Variants in DGKB observed in about 807,000 individuals in gnomAD.
DGKB encodes diacylglycerol kinase beta.
Under a neutral mutation model 114.3 loss-of-function variants are expected in DGKB, and 67 were observed. The ratio of observed to expected loss-of-function variants is 0.59; its 90% CI spans 0.48 to 0.72. DGKB has a LOEUF of 0.72. DGKB is among the 30% of genes least tolerant of loss of function. The pLI, the probability that DGKB is intolerant of heterozygous loss-of-function variation, is 0.00. For synonymous variants in DGKB, 398 were observed against 323.1 expected (o/e 1.23, Z -2.49); for missense variants, 907 against 975.2 (o/e 0.93, Z 0.93).
At chr7:14,590,163 TAA>T (rs766451610) in intron 17 of DGKB, among the ~76,000 whole-genome samples, 3 of 24,842 alleles carry the variant, frequency 1.2e-4, no homozygotes, top group East Asian at 8.4e-4. Context: ...AGTATAATAA[TAA>T]AAAAAAAAAC....
chr7:14,411,491 T>G (rs935478519), intron 21 of DGKB, among the ~76,000 whole-genome samples: 3 of 152,174 alleles, frequency 2.0e-5, no homozygotes, highest in Non-Finnish European at 4.4e-5. Flanking sequence ...ATCAAAATAT[T>G]TAAAGTGTAT....
intron 2 of DGKB, among the ~76,000 whole-genome samples, chr7:14,822,530 A>G (rs1845086550): frequency 6.6e-6 from 1 of 152,188 alleles, no homozygotes; most frequent in Admixed American, 6.6e-5. Context: ...ACTATTGACC[A>G]TTAGAACCTT....
chr7:14,257,448 G>A (rs1038280854), intron 23 of DGKB, among the ~76,000 whole-genome samples: 1 of 152,070 alleles, frequency 6.6e-6, no homozygotes, highest in Non-Finnish European at 1.5e-5. Context: ...TGGTTTGGCT[G>A]TGTCCCCACT....
intron 25 of DGKB, among the ~76,000 whole-genome samples, chr7:14,152,871 TCTTA>T: frequency 6.6e-6 from 1 of 152,206 alleles, no homozygotes; most frequent in East Asian, 1.9e-4. Context: ...TTGATCTGGC[TCTTA>T]CTGTGTGCTG....
At chr7:14,502,015 T>C (rs4721342) in intron 20 of DGKB, among the ~76,000 whole-genome samples, 51,619 of 151,672 alleles carry the variant, frequency 0.34, 9,287 homozygotes, top group Admixed American at 0.45. Flanking sequence ...AGGGTGGACA[T>C]TGTAGCTTGT....
intron 2 of DGKB, among the ~76,000 whole-genome samples, chr7:14,767,722 T>A (rs1164421720): frequency 6.6e-6 from 1 of 152,008 alleles, no homozygotes; most frequent in Non-Finnish European, 1.5e-5. Flanking sequence ...GGCAATAGAA[T>A]TAAATGCAGA....
intron 14 of DGKB, among the ~76,000 whole-genome samples, chr7:14,626,906 A>C (rs1056964040): frequency 2.6e-5 from 4 of 152,184 alleles, no homozygotes; most frequent in Admixed American, 1.3e-4. Flanking sequence ...ATGAGTTTAG[A>C]AGCCAAATTG....
chr7:14,788,697 T>G (rs1016939061), intron 2 of DGKB, among the ~76,000 whole-genome samples: 1 of 152,134 alleles, frequency 6.6e-6, no homozygotes, highest in Non-Finnish European at 1.5e-5. Flanking sequence ...TCAAGTTTCT[T>G]GCCCACCTTT....
chr7:14,438,952 A>G (rs181763767), intron 21 of DGKB, among the ~76,000 whole-genome samples: 404 of 151,180 alleles, frequency 2.7e-3, no homozygotes, highest in African/African-American at 8.9e-3. Flanking sequence ...TTCAAATCCT[A>G]TATGTGGGAA....
intron 20 of DGKB, among the ~76,000 whole-genome samples, chr7:14,562,332 G>A (rs1490504126): frequency 1.3e-5 from 2 of 152,198 alleles, no homozygotes; most frequent in Non-Finnish European, 2.9e-5. Flanking sequence ...AGTGCATAAG[G>A]GAAATGTGGG....
intron 2 of DGKB, among the ~76,000 whole-genome samples, chr7:14,812,814 T>C (rs551150605): frequency 6.6e-6 from 1 of 152,294 alleles, no homozygotes; most frequent in African/African-American, 2.4e-5. Context: ...TAAAATACCA[T>C]GTGTGCTTGA....
intron 21 of DGKB, among the ~76,000 whole-genome samples, chr7:14,356,402 C>A (rs1464638003): frequency 7.9e-6 from 1 of 126,378 alleles, no homozygotes; most frequent in Non-Finnish European, 1.6e-5. Context: ...CGCTCTATTG[C>A]CCAGGCTGGA....
chr7:14,211,500 A>C (rs866920641), intron 23 of DGKB, among the ~76,000 whole-genome samples: 1 of 24,320 alleles, frequency 4.1e-5, no homozygotes, highest in Non-Finnish European at 6.3e-5. Context: ...ATTTACTCTC[A>C]TGTTTTGTGA....
chr7:14,229,209 C>T (rs1393338258), intron 23 of DGKB, among the ~76,000 whole-genome samples: 1 of 151,890 alleles, frequency 6.6e-6, no homozygotes, highest in Non-Finnish European at 1.5e-5. Context: ...GTCAGTATTA[C>T]TCATACATAC....
chr7:14,641,997 T>G (rs1241812606), intron 13 of DGKB, among the ~76,000 whole-genome samples: 1 of 152,082 alleles, frequency 6.6e-6, no homozygotes, highest in Non-Finnish European at 1.5e-5. Flanking sequence ...AGTTTTTTGT[T>G]TGTTTGTCTG....
At chr7:14,741,111 C>T (rs748887685) in intron 4 of DGKB, among the ~76,000 whole-genome samples, 2 of 152,108 alleles carry the variant, frequency 1.3e-5, no homozygotes, top group Non-Finnish European at 2.9e-5. Flanking sequence ...AATCCTGTCT[C>T]CATACTACAG....
chr7:14,499,588 G>A (rs1785816769), intron 20 of DGKB, among the ~76,000 whole-genome samples: 1 of 151,672 alleles, frequency 6.6e-6, no homozygotes, highest in Non-Finnish European at 1.5e-5. Flanking sequence ...CACAAAGGTG[G>A]AGCCTCACAG....
chr7:14,318,274 A>G (rs1289357970), intron 23 of DGKB, among the ~76,000 whole-genome samples: 2 of 144,934 alleles, frequency 1.4e-5, no homozygotes, highest in African/African-American at 5.1e-5. Context: ...ACAAAAGCCA[A>G]AATTGACAAA....
intron 23 of DGKB, among the ~76,000 whole-genome samples, chr7:14,234,327 AGTAAGT>A (rs1766155769): frequency 6.6e-6 from 1 of 152,118 alleles, no homozygotes; most frequent in Non-Finnish European, 1.5e-5. Context: ...CTTCTCCAAA[AGTAAGT>A]GTAAGATTTC....
Sources: allele counts gnomAD v4.1 joint callset (sites outside exome capture counted in the v4.1 genomes callset), GRCh38; gene constraint gnomAD v4.1.1; transcripts MANE v1.5; gene names NCBI Gene and HGNC (gene_info 2026-07-23, HGNC 2026-07-21).